The following ACSM3 variants were observed in gnomAD, a reference collection of about 807,000 sequenced individuals.
ACSM3 encodes the protein acyl-CoA synthetase medium chain family member 3.
ACSM3 carries 61 observed loss-of-function variants against 74.1 expected under a neutral mutation model. That is an observed-to-expected ratio of 0.82 (90% confidence interval 0.67 to 1.02). The LOEUF is 1.02. ACSM3 is among the 50% of genes least tolerant of loss of function. ACSM3 has a pLI of 0.00. For missense variants in ACSM3, 660 were observed against 697.0 expected (o/e 0.95, Z 0.60); for synonymous variants, 213 against 241.5 (o/e 0.88, Z 1.09).
At chr16:20,741,576 C>G in intron 1 of ACSM3, 3 of 1,578,878 alleles carry the variant, frequency 1.9e-6, no homozygotes, top group Non-Finnish European at 2.6e-6. Flanking sequence ...CACGCACTTG[C>G]GCTCGTTCAT....
chr16:20,689,789 GA>G (rs945213985), intron 1 of ACSM3, among the ~76,000 whole-genome samples: 3 of 152,146 alleles, frequency 2.0e-5, no homozygotes, highest in Non-Finnish European at 4.4e-5. Flanking sequence ...TCTGGGCAAT[GA>G]AAAAAATGAA....
chr16:20,777,225 T>A, intron 3 of ACSM3, 148 bp from the exon 4 acceptor site: 1 of 739,184 alleles, frequency 1.4e-6, no homozygotes, highest in Non-Finnish European at 2.1e-6. Context: ...CAAAAGCAGA[T>A]AAGTGAAAGC....
At chr16:20,786,040 C>A in intron 8 of ACSM3, 38 bp from the exon 9 acceptor site, 1 of 1,376,710 alleles carries the variant, frequency 7.3e-7, no homozygotes, top group Non-Finnish European at 9.9e-7. Flanking sequence ...TTTTAAGTGA[C>A]TTGTAATGTT....
At chr16:20,753,922 AAGAC>A (rs970422879) in intron 2 of ACSM3, among the ~76,000 whole-genome samples, 3 of 152,178 alleles carry the variant, frequency 2.0e-5, no homozygotes, top group Non-Finnish European at 1.5e-5. Context: ...AAAGAAAAAA[AAGAC>A]AGAGAAAGAA....
At chr16:20,710,084 C>T (rs539044692) in intron 1 of ACSM3, among the ~76,000 whole-genome samples, 5 of 152,310 alleles carry the variant, frequency 3.3e-5, no homozygotes, top group African/African-American at 1.2e-4. Context: ...TTAGGACGTG[C>T]ATGTTCTTTC....
chr16:20,683,440 T>A (rs528361226), intron 1 of ACSM3, among the ~76,000 whole-genome samples: 1 of 151,638 alleles, frequency 6.6e-6, no homozygotes, highest in African/African-American at 2.4e-5. Flanking sequence ...CCTACATTTC[T>A]TCTCTGCACT....
intron 12 of ACSM3, 159 bp from the exon 13 acceptor site, chr16:20,796,211 G>A: frequency 2.4e-6 from 3 of 1,265,974 alleles, no homozygotes; most frequent in Non-Finnish European, 3.2e-6. Context: ...TACAGACCAG[G>A]AAGTGGCTGG....
At chr16:20,738,816 C>A in intron 1 of ACSM3, 1 of 1,512,874 alleles carries the variant, frequency 6.6e-7, no homozygotes, top group Non-Finnish European at 9.0e-7. Context: ...CCCAAGAAGC[C>A]ATTTTGTAAG....
At chr16:20,714,768 C>T (rs1045815964) in intron 1 of ACSM3, among the ~76,000 whole-genome samples, 25 of 152,090 alleles carry the variant, frequency 1.6e-4, no homozygotes, top group African/African-American at 6.0e-4. Flanking sequence ...GTTCTGTGAA[C>T]ATTCAAATGT....
At chr16:20,690,519 G>T (rs891635361) in intron 1 of ACSM3, among the ~76,000 whole-genome samples, 1 of 152,228 alleles carries the variant, frequency 6.6e-6, no homozygotes, top group South Asian at 2.1e-4. Flanking sequence ...ATGGGAAGAT[G>T]GATGGCCTAA....
chr16:20,766,311 A>G (rs1349828823), intron 1 of ACSM3, among the ~76,000 whole-genome samples: 1 of 151,972 alleles, frequency 6.6e-6, no homozygotes, highest in Non-Finnish European at 1.5e-5. Context: ...GGTTTAAGAA[A>G]TGACAGTGCA....
chr16:20,758,144 C>T (rs562573836), intron 3 of ACSM3, among the ~76,000 whole-genome samples: 83 of 152,276 alleles, frequency 5.5e-4, no homozygotes, highest in African/African-American at 1.9e-3. Context: ...ATGATGTTGG[C>T]CTCATAAAAT....
intron 1 of ACSM3, among the ~76,000 whole-genome samples, chr16:20,704,868 G>T (rs559048331): frequency 6.6e-6 from 1 of 152,330 alleles, no homozygotes; most frequent in South Asian, 2.1e-4. Flanking sequence ...TTTGGGAGTA[G>T]ATTTTTCTAG....
intron 3 of ACSM3, chr16:20,755,621 G>T (rs916393345): frequency 9.3e-6 from 1 of 107,532 alleles, no homozygotes; most frequent in African/African-American, 3.2e-5. Flanking sequence ...GAAGTGGTAA[G>T]TGCTTTTTAT....
rs892453312 is a variant in ACSM3, at chr16:20,790,420, G to A, written c.1225-167G>A. Among the ~76,000 whole-genome samples the A allele has an allele frequency of 6.6e-6, 1 of 152,222 alleles. No homozygotes were observed. The highest frequency in any genetic ancestry group is 1.5e-5 in the Non-Finnish European group (1 of 68,046). On this transcript the variant is annotated intron_variant, in intron 9 of 13. Coordinates refer to ENST00000289416, the MANE Select transcript of ACSM3 (RefSeq NM_005622.4). This position sits in a 1 kb window ranked among gnomAD's most constrained non-coding sequence, Gnocchi z 4.0. ...AGCTATGAGCTATGATTGCACCACTGCACTCCAGCCTGGGTGACAAAGTGA... is the reference window on the plus strand; with the variant it reads ...AGCTATGAGCTATGATTGCACCACTACACTCCAGCCTGGGTGACAAAGTGA...
chr16:20,731,688 G>T, intron 1 of ACSM3: 1 of 407,582 alleles, frequency 2.5e-6, no homozygotes. Context: ...TAACTCTTGA[G>T]CTTCAGGATC....
chr16:20,685,060 C>T, intron 1 of ACSM3: 1 of 883,408 alleles, frequency 1.1e-6, no homozygotes, highest in East Asian at 2.6e-5. Flanking sequence ...GCTTTGTGGT[C>T]CCAGCACAGA....
chr16:20,704,699 G>A (rs1218364203), intron 1 of ACSM3, among the ~76,000 whole-genome samples: 2 of 152,180 alleles, frequency 1.3e-5, no homozygotes, highest in East Asian at 1.9e-4. Context: ...GAGTTCCCAA[G>A]ACAATGTAGG....
intron 1 of ACSM3, among the ~76,000 whole-genome samples, chr16:20,707,894 A>G (rs1247465877): frequency 6.6e-6 from 1 of 152,250 alleles, no homozygotes. Flanking sequence ...AAAAAATTGG[A>G]TATCTATGAA....
Sources: allele counts gnomAD v4.1 joint callset (sites outside exome capture counted in the v4.1 genomes callset), GRCh38; gene constraint gnomAD v4.1.1; non-coding constraint Gnocchi (gnomAD v3.1); transcripts MANE v1.5; gene names NCBI Gene and HGNC (gene_info 2026-07-23, HGNC 2026-07-21).